The following SLC43A2 variants were observed in gnomAD, a reference collection of about 807,000 sequenced individuals.
The protein encoded by SLC43A2 is large neutral amino acids transporter small subunit 4.
Under a neutral mutation model 63.2 loss-of-function variants are expected in SLC43A2, and 38 were observed. The ratio of observed to expected loss-of-function variants is 0.60; its 90% CI spans 0.46 to 0.79. The LOEUF is 0.79. Ranked by LOEUF, SLC43A2 falls within the 30% of genes least tolerant of loss-of-function variation. SLC43A2 has a pLI of 0.00. For synonymous variants in SLC43A2, 322 were observed against 331.0 expected, an observed-to-expected ratio of 0.97 and a Z score of 0.30; for missense variants, 644 against 756.2, an observed-to-expected ratio of 0.85 and a Z score of 1.74.
intron 5 of SLC43A2, among the ~76,000 whole-genome samples, chr17:1,594,595 T>C (rs868485668): frequency 0.24 from 34,567 of 142,444 alleles, 4,208 homozygotes; most frequent in African/African-American, 0.27. Flanking sequence ...TCTTTCTTTT[T>C]TTTTTTTTTT....
At chr17:1,595,230 G>A (rs1045457232) in intron 5 of SLC43A2, among the ~76,000 whole-genome samples, 3 of 151,428 alleles carry the variant, frequency 2.0e-5, no homozygotes, top group Non-Finnish European at 2.9e-5. Flanking sequence ...GCAGTGAGCC[G>A]ACACTGCGCC....
Position 1,591,771 on chromosome 17 carries a change from C to T in SLC43A2, c.595-72G>A, listed in dbSNP as rs1483739773. On this transcript the variant is annotated intron_variant, in intron 6 of 13. Transcript: ENST00000301335. ...TAGCCCGGGGAGGCCAGAGCCGCAGCAGGCAGGGGCGTCTGGCCACCCCTG... is the reference window on the plus strand; with the variant it reads ...TAGCCCGGGGAGGCCAGAGCCGCAGTAGGCAGGGGCGTCTGGCCACCCCTG... The T allele has an allele frequency of 3.3e-6, 4 of 1,212,284 alleles. No individual in the cohort carries two copies. The Admixed American group carries it at 6.5e-5, about 20-fold the overall frequency. 75.1% of individuals were successfully genotyped at this position (1,212,284 alleles called of 1,614,324 possible). A position where few individuals can be genotyped will look rare whatever the true frequency, so the allele number is the denominator to read the frequency against.
chr17:1,570,054 AT>A lies in SLC43A2; in HGVS notation c.*5549del, dbSNP rs11373484. On this transcript the variant is annotated 3_prime_UTR_variant, in exon 14 of 14. Transcript: ENST00000301335. ...AGGTACCCACCACCACGCCCAGCTAATTTTTTTTTTTCGTATTTTTAGTAGA... is the reference window on the plus strand; with the variant it reads ...AGGTACCCACCACCACGCCCAGCTAATTTTTTTTTTCGTATTTTTAGTAGA... 3.7e-3 allele frequency: 546 copies of A among 147,044 alleles called. 2 individuals are homozygous for A. The highest frequency in any genetic ancestry group is 5.3e-3 in the Admixed American group (78 of 14,740). 9.1% of individuals were successfully genotyped at this position (147,044 alleles called of 1,614,324 possible). A position where few individuals can be genotyped will look rare whatever the true frequency, so the allele number is the denominator to read the frequency against.
At chr17:1,604,835 C>T in intron 5 of SLC43A2, 1 of 1,535,764 alleles carries the variant, frequency 6.5e-7, no homozygotes, top group Middle Eastern at 1.7e-4. Flanking sequence ...GTCATCCTGA[C>T]ATCTGGGTCA....
chr17:1,616,682 GCC>G lies in SLC43A2; in HGVS notation c.246_247del (p.Gln82HisfsTer57), dbSNP rs772446170. On this transcript the variant is annotated frameshift_variant, in exon 3 of 14. Transcript: ENST00000301335. LOFTEE classifies it high-confidence loss of function. The stretch of plus-strand genomic sequence containing the variant: ...GGCCAAATTTAGCATCTCGTCCTGG[GCC>G]TGGCAGCTGAGCCAGCCGTTCATCC... 6.2e-7 allele frequency: 1 copy of G among 1,614,052 alleles called. No individual in the cohort carries two copies. Among genetic ancestry groups the G allele is most frequent in the Admixed American group, 1.7e-5 (1 of 60,024 alleles).
intron 4 of SLC43A2, among the ~76,000 whole-genome samples, chr17:1,613,912 A>C (rs1391856019): frequency 6.6e-6 from 1 of 152,058 alleles, no homozygotes; most frequent in Non-Finnish European, 1.5e-5. Context: ...CAGCCTGGGC[A>C]ACAAAGTGAG....
intron 5 of SLC43A2, among the ~76,000 whole-genome samples, chr17:1,594,808 T>G (rs1441758455): frequency 6.6e-6 from 1 of 151,584 alleles, no homozygotes; most frequent in Non-Finnish European, 1.5e-5. Flanking sequence ...CAGGATGGTC[T>G]GGATCTCCTG....
chr17:1,615,055 A>C (rs1598486678), intron 3 of SLC43A2, 21 bp from the exon 4 acceptor site: 1 of 1,613,498 alleles, frequency 6.2e-7, no homozygotes, highest in Non-Finnish European at 8.5e-7. Context: ...GCAGAAACGC[A>C]ATGTTATTTA....
chr17:1,580,567 G>C (rs1030245263), intron 11 of SLC43A2, among the ~76,000 whole-genome samples: 1 of 149,426 alleles, frequency 6.7e-6, no homozygotes, highest in East Asian at 2.0e-4. Flanking sequence ...GTTCTGTTTT[G>C]TTTGGTTTTG....
chr17:1,600,397 C>T (rs1015592384), intron 5 of SLC43A2, among the ~76,000 whole-genome samples: 6 of 149,622 alleles, frequency 4.0e-5, no homozygotes, highest in South Asian at 4.2e-4. Flanking sequence ...GTGATCCGCC[C>T]GCCTCAGCCT....
intron 2 of SLC43A2, among the ~76,000 whole-genome samples, chr17:1,617,313 T>C (rs1907769783): frequency 6.6e-6 from 1 of 152,146 alleles, no homozygotes. Flanking sequence ...GTGGGGAGAC[T>C]GCGGCGCCTC....
At position 1,591,692 on chromosome 17, in the gene SLC43A2, T is replaced by C. The variant is rs1296237773; in HGVS notation, c.602A>G (p.Tyr201Cys). 7.7e-6 allele frequency: 10 copies of C among 1,295,286 alleles called. No homozygotes were observed. The highest frequency in any genetic ancestry group is 1.3e-5 in the South Asian group (1 of 79,926). The allele number at this position is 1,295,286 out of a possible 1,614,324, so 80.2% of individuals were successfully genotyped here. ...AVTFPGIKLI[Y>C]DAGVSFIVVL... The stretch of plus-strand genomic sequence containing the variant: ...GACGATGAAGGAGACACCAGCATCA[T>C]AGATGAGCTGACAGGCACCGCGGGG... Residue 201 changes from tyrosine (Y) to cysteine (C), a missense_variant, in exon 7 of 14, where the codon TAT becomes TGT. This residue lies in a region of SLC43A2 where 528 missense variants were observed against 623.6 expected (regional missense o/e 0.85). Transcript: ENST00000301335.
At chr17:1,608,488 G>A (rs1906818177) in intron 5 of SLC43A2, among the ~76,000 whole-genome samples, 1 of 151,954 alleles carries the variant, frequency 6.6e-6, no homozygotes, top group Non-Finnish European at 1.5e-5. Flanking sequence ...CCGCCTCCCG[G>A]GTTCAAGCAA....
intron 3 of SLC43A2, 145 bp downstream of exon 3, chr17:1,616,417 C>T (rs1002752777): frequency 1.5e-4 from 114 of 751,634 alleles, no homozygotes; most frequent in Non-Finnish European, 2.1e-4. Context: ...CGGTGGCGGA[C>T]GGGGTAGGAA....
At chr17:1,587,495 G>C (rs1389017437) in intron 9 of SLC43A2, among the ~76,000 whole-genome samples, 2 of 152,176 alleles carry the variant, frequency 1.3e-5, no homozygotes, top group African/African-American at 2.4e-5. Context: ...AAGAAACGGG[G>C]ACCATGCCTG....
chr17:1,617,926 G>A (rs867745582), intron 2 of SLC43A2, among the ~76,000 whole-genome samples: 3 of 152,228 alleles, frequency 2.0e-5, no homozygotes, highest in Admixed American at 6.5e-5. Flanking sequence ...TCTCCTGGCC[G>A]GGACTGCTAG....
chr17:1,596,387 G>A (rs960344871), intron 5 of SLC43A2, among the ~76,000 whole-genome samples: 1 of 152,054 alleles, frequency 6.6e-6, no homozygotes, highest in Admixed American at 6.6e-5. Flanking sequence ...ACTTTGGAAG[G>A]CTGGGGCAGC....
intron 2 of SLC43A2, among the ~76,000 whole-genome samples, chr17:1,619,454 TACA>T (rs1378957037): frequency 6.6e-5 from 10 of 152,092 alleles, no homozygotes; most frequent in Non-Finnish European, 1.0e-4. Flanking sequence ...GCCACAGAAA[TACA>T]ACGTCACCAA....
intron 11 of SLC43A2, among the ~76,000 whole-genome samples, chr17:1,581,770 G>C (rs1368225504): frequency 6.6e-6 from 1 of 151,686 alleles, no homozygotes; most frequent in African/African-American, 2.4e-5. Flanking sequence ...CAAAAATCAG[G>C]TTCCAGAAGC....
Sources: allele counts gnomAD v4.1 joint callset (sites outside exome capture counted in the v4.1 genomes callset), GRCh38; gene constraint gnomAD v4.1.1; regional missense constraint gnomAD v4.1.1; transcripts MANE v1.5; gene names NCBI Gene and HGNC (gene_info 2026-07-23, HGNC 2026-07-21).